Variants in HIPK2 observed in about 807,000 individuals in gnomAD.
The protein encoded by HIPK2 is homeodomain interacting protein kinase 2.
HIPK2 carries 27 observed loss-of-function variants against 113.7 expected under a neutral mutation model. The observed-to-expected ratio is 0.24, with a 90% confidence interval of 0.17 to 0.33. The LOEUF (loss-of-function observed/expected upper bound fraction) is 0.33, where lower values mean the gene tolerates loss of function less well. Ranked by LOEUF, HIPK2 falls within the 10% of genes least tolerant of loss-of-function variation. The pLI, the probability that HIPK2 is intolerant of heterozygous loss-of-function variation, is 1.00. For missense variants in HIPK2, 1,257 were observed against 1,588.0 expected (o/e 0.79, Z 3.54); for synonymous variants, 631 against 642.2 (o/e 0.98, Z 0.26).
chr7:139,581,818 G>A (rs912125482), intron 13 of HIPK2, among the ~76,000 whole-genome samples: 2 of 152,238 alleles, frequency 1.3e-5, no homozygotes, highest in Non-Finnish European at 2.9e-5. Context: ...GCCCCTGCTC[G>A]TGAGGGCACA....
chr7:139,612,398 G>A (rs1336578186), intron 9 of HIPK2, among the ~76,000 whole-genome samples: 1 of 152,134 alleles, frequency 6.6e-6, no homozygotes, highest in Non-Finnish European at 1.5e-5. Context: ...TAGCTTGGTG[G>A]TTGAAATACA....
In HIPK2 at chr7:139,606,498, A is replaced by G. The variant is rs186298262; in HGVS notation, c.2113-2275T>C. On this transcript the variant is annotated intron_variant, in intron 9 of 14. Coordinates refer to ENST00000406875, the MANE Select transcript of HIPK2 (RefSeq NM_022740.5). Reference sequence around the variant, plus strand: ...CAAAGAGAGTAGGAGAGAGGCAATCACCATGAATAAAATTTTAGAAGCTGA... The same window carrying G: ...CAAAGAGAGTAGGAGAGAGGCAATCGCCATGAATAAAATTTTAGAAGCTGA... 2.6e-3 allele frequency among the ~76,000 whole-genome samples: 392 copies of G among 152,344 alleles called. 3 individuals are homozygous for G. The highest frequency in any genetic ancestry group is 4.3e-3 in the Admixed American group (66 of 15,296).
chr7:139,633,951 A>G (rs906858372), intron 2 of HIPK2, among the ~76,000 whole-genome samples: 1 of 91,698 alleles, frequency 1.1e-5, no homozygotes, highest in Non-Finnish European at 2.0e-5. Context: ...TCGCAAAAAG[A>G]AAAAAAAAAA....
chr7:139,672,308 A>T (rs1004455067), intron 2 of HIPK2, among the ~76,000 whole-genome samples: 5 of 152,222 alleles, frequency 3.3e-5, no homozygotes, highest in Non-Finnish European at 7.3e-5. Flanking sequence ...TTGGCATGAA[A>T]TTATAAAATA....
At chr7:139,634,682 T>TTTTTTTGTTG (rs1569459962) in intron 2 of HIPK2, among the ~76,000 whole-genome samples, 1 of 143,180 alleles carries the variant, frequency 7.0e-6, no homozygotes, top group African/African-American at 2.8e-5. Flanking sequence ...AGGTTTTTTT[T>TTTTTTTGTTG]TTTTTTTTTT....
At chr7:139,762,785 C>T (rs922613935) in intron 1 of HIPK2, among the ~76,000 whole-genome samples, 1 of 152,198 alleles carries the variant, frequency 6.6e-6, no homozygotes, top group African/African-American at 2.4e-5. Context: ...GTAGAGAACA[C>T]AGAGACAACC....
chr7:139,616,589 C>T (rs1221007330), intron 7 of HIPK2, among the ~76,000 whole-genome samples: 2 of 152,244 alleles, frequency 1.3e-5, no homozygotes, highest in African/African-American at 4.8e-5. Flanking sequence ...AGCCTTTGGG[C>T]TTTAAGGCCT....
chr7:139,670,683 ACC>A (rs1802235280), intron 2 of HIPK2, among the ~76,000 whole-genome samples: 1 of 150,988 alleles, frequency 6.6e-6, no homozygotes, highest in Non-Finnish European at 1.5e-5. Context: ...GTGTGTAGCT[ACC>A]ACCTTTGCAT....
At chr7:139,620,747 C>A (rs1268899767) in intron 6 of HIPK2, 184 bp from the exon 7 acceptor site, 1 of 270,330 alleles carries the variant, frequency 3.7e-6, no homozygotes, top group Non-Finnish European at 5.7e-6. Flanking sequence ...GCATTTGCAA[C>A]AGGCACGGTT....
chr7:139,600,375 C>G (rs1387261182), intron 11 of HIPK2, 42 bp downstream of exon 11: 1 of 1,593,266 alleles, frequency 6.3e-7, no homozygotes, highest in African/African-American at 1.3e-5. Flanking sequence ...GCACTCACAT[C>G]CCCTGGGATT....
intron 1 of HIPK2, among the ~76,000 whole-genome samples, chr7:139,758,680 T>G (rs932007902): frequency 1.3e-5 from 2 of 152,176 alleles, no homozygotes; most frequent in Admixed American, 6.5e-5. Context: ...GATTGTGCGC[T>G]CATTATGAGA....
chr7:139,573,463 G>A, intron 14 of HIPK2, 66 bp from the exon 15 acceptor site: 1 of 1,431,026 alleles, frequency 7.0e-7, no homozygotes. Flanking sequence ...AATGGGAGGA[G>A]GGGCAGGAGG....
At chr7:139,761,645 T>C (rs1199355037) in intron 1 of HIPK2, among the ~76,000 whole-genome samples, 2 of 152,256 alleles carry the variant, frequency 1.3e-5, no homozygotes, top group East Asian at 3.9e-4. Flanking sequence ...TAAGAGACTG[T>C]GCTGGATTAA....
At chr7:139,624,446 C>T (rs984759596) in intron 6 of HIPK2, among the ~76,000 whole-genome samples, 2 of 152,186 alleles carry the variant, frequency 1.3e-5, no homozygotes, top group African/African-American at 4.8e-5. Flanking sequence ...TTTAAATACC[C>T]TGGCTTCCCG....
intron 1 of HIPK2, among the ~76,000 whole-genome samples, chr7:139,751,805 C>T (rs2117111450): frequency 6.6e-6 from 1 of 152,242 alleles, no homozygotes; most frequent in South Asian, 2.1e-4. Flanking sequence ...ATAGACCTTC[C>T]AGATTCTCCC....
intron 10 of HIPK2, 70 bp from the exon 11 acceptor site, chr7:139,600,666 G>T: frequency 6.5e-7 from 1 of 1,528,808 alleles, no homozygotes; most frequent in Non-Finnish European, 8.9e-7. Context: ...ATAAGATCAA[G>T]CTTCCTCCCC....
chr7:139,578,656 T>C (rs1225436879), intron 13 of HIPK2, among the ~76,000 whole-genome samples: 1 of 152,232 alleles, frequency 6.6e-6, no homozygotes, highest in Non-Finnish European at 1.5e-5. Context: ...CTTGACTTTC[T>C]ATGGAGGACA....
chr7:139,610,686 C>A (rs1219436838), intron 9 of HIPK2, among the ~76,000 whole-genome samples: 1 of 152,138 alleles, frequency 6.6e-6, no homozygotes, highest in African/African-American at 2.4e-5. Flanking sequence ...ACAAACTGTT[C>A]CGGAAAACAG....
chr7:139,735,017 T>C (rs1249843166), intron 1 of HIPK2, among the ~76,000 whole-genome samples: 1 of 152,210 alleles, frequency 6.6e-6, no homozygotes, highest in East Asian at 1.9e-4. Flanking sequence ...ATGTCATACC[T>C]AAATAAAGAG....
Sources: allele counts gnomAD v4.1 joint callset (sites outside exome capture counted in the v4.1 genomes callset), GRCh38; gene constraint gnomAD v4.1.1; transcripts MANE v1.5; gene names NCBI Gene and HGNC (gene_info 2026-07-23, HGNC 2026-07-21).